STARD13: variants seen among roughly 807,000 people sequenced by gnomAD.
STARD13 encodes the protein stAR-related lipid transfer protein 13.
Under a neutral mutation model 106.4 loss-of-function variants are expected in STARD13, and 62 were observed. That is an observed-to-expected ratio of 0.58 (90% CI 0.48 to 0.72). STARD13 has a LOEUF of 0.72. Ranked by LOEUF, STARD13 falls within the 30% of genes least tolerant of loss-of-function variation. The pLI is 0.00. For synonymous variants in STARD13, 565 were observed against 553.0 expected (o/e 1.02, Z -0.31); for missense variants, 1,387 against 1,424.0 (o/e 0.97, Z 0.42).
chr13:33,130,317 T>C lies in STARD13; in HGVS notation c.388-28A>G. 6.3e-7 allele frequency: 1 copy of C among 1,586,480 alleles called. No homozygotes were observed. Among genetic ancestry groups the C allele is most frequent in the Non-Finnish European group, 8.5e-7 (1 of 1,171,710 alleles). On this transcript the variant is annotated intron_variant, in intron 4 of 13. Transcript: ENST00000336934. The surrounding 1 kb of genome is among the most constrained non-coding windows in gnomAD (Gnocchi z 4.1). ...GCAGAGCACCAAGGAAAATGCTCAT[T>C]AGCAGACAGCGTGGCTGAAGCAGGA... is the stretch of plus-strand genomic sequence containing the variant.
the STARD13 span, among the ~76,000 whole-genome samples, chr13:33,573,179 A>T: frequency 1.3e-5 from 2 of 152,168 alleles, no homozygotes; most frequent in African/African-American, 4.8e-5. Context: ...AGATGTCTAG[A>T]TAATGCATTT....
intron 5 of STARD13, 112 bp downstream of exon 5, chr13:33,128,817 G>A (rs1877652256): frequency 1.8e-6 from 2 of 1,092,584 alleles, no homozygotes; most frequent in African/African-American, 3.1e-5. Context: ...ACATCACTTA[G>A]AACAGAGTCA....
chr13:33,543,052 T>A, the STARD13 span, among the ~76,000 whole-genome samples: 2 of 152,194 alleles, frequency 1.3e-5, no homozygotes, highest in African/African-American at 2.4e-5. Context: ...GAGCGGAAAC[T>A]GTTCTTTCTC....
At chr13:33,192,162 A>T (rs893443944) in intron 1 of STARD13, among the ~76,000 whole-genome samples, 3 of 152,242 alleles carry the variant, frequency 2.0e-5, no homozygotes, top group Non-Finnish European at 4.4e-5. Flanking sequence ...TGAAAAAACA[A>T]AAGAACATTT....
At chr13:33,363,656 G>A in the STARD13 span, among the ~76,000 whole-genome samples, 2 of 152,230 alleles carry the variant, frequency 1.3e-5, no homozygotes, top group African/African-American at 4.8e-5. Flanking sequence ...CTTTGCACGT[G>A]TTCTTCTGCC....
At chr13:33,324,026 T>C (rs553929184) in intron 1 of STARD13, among the ~76,000 whole-genome samples, 2 of 152,310 alleles carry the variant, frequency 1.3e-5, no homozygotes, top group South Asian at 4.1e-4. Flanking sequence ...ACAGCTGAAA[T>C]AATTCTCTGC....
At chr13:33,322,160 C>T (rs1210884941) in intron 1 of STARD13, among the ~76,000 whole-genome samples, 2 of 152,204 alleles carry the variant, frequency 1.3e-5, no homozygotes, top group Non-Finnish European at 1.5e-5. Flanking sequence ...ATTTCATTTA[C>T]CAATGTTATA....
At chr13:33,611,622 A>G in the STARD13 span, 1 of 152,166 alleles carries the variant, frequency 6.6e-6, no homozygotes, top group Admixed American at 6.5e-5. Context: ...CTGGCACATA[A>G]ACTTGAATCA....
the STARD13 span, among the ~76,000 whole-genome samples, chr13:33,627,140 G>A: frequency 4.7e-4 from 72 of 152,256 alleles, no homozygotes; most frequent in African/African-American, 1.6e-3. Flanking sequence ...GACAGTGTTA[G>A]CTTGGCATTG....
At chr13:33,152,243 C>T (rs865883513) in intron 3 of STARD13, among the ~76,000 whole-genome samples, 1 of 152,060 alleles carries the variant, frequency 6.6e-6, no homozygotes, top group South Asian at 2.1e-4. Context: ...ATGTAGGAGT[C>T]GACAACAACT....
chr13:33,314,251 A>G (rs1893248213), intron 1 of STARD13, among the ~76,000 whole-genome samples: 1 of 152,294 alleles, frequency 6.6e-6, no homozygotes, highest in Middle Eastern at 3.4e-3. Flanking sequence ...ATAGGTACCC[A>G]AAGTCCAGCA....
chr13:33,642,854 A>G, the STARD13 span, among the ~76,000 whole-genome samples: 146 of 151,936 alleles, frequency 9.6e-4, 1 homozygote, highest in African/African-American at 3.3e-3. Flanking sequence ...AAAAAAAAAA[A>G]AAAACCTCCC....
the STARD13 span, among the ~76,000 whole-genome samples, chr13:33,556,400 G>A: frequency 6.6e-6 from 1 of 151,582 alleles, no homozygotes; most frequent in Non-Finnish European, 1.5e-5. Context: ...TCCACCCAAG[G>A]CTCCTGAGTG....
chr13:33,623,732 A>G, the STARD13 span, among the ~76,000 whole-genome samples: 148 of 152,292 alleles, frequency 9.7e-4, 2 homozygotes, highest in African/African-American at 3.4e-3. Flanking sequence ...ACATCTACGT[A>G]TTTAATTATC....
the STARD13 span, among the ~76,000 whole-genome samples, chr13:33,675,887 A>AGC: frequency 1.3e-5 from 2 of 152,212 alleles, no homozygotes; most frequent in Non-Finnish European, 2.9e-5. Flanking sequence ...GAGCTAGCTA[A>AGC]AAGCATCGAG....
the STARD13 span, among the ~76,000 whole-genome samples, chr13:33,526,230 C>T: frequency 8.5e-5 from 13 of 152,082 alleles, no homozygotes; most frequent in Admixed American, 2.0e-4. Flanking sequence ...CTGTGACATG[C>T]AATTCCTTTC....
intron 3 of STARD13, among the ~76,000 whole-genome samples, chr13:33,161,156 A>T (rs1882579169): frequency 6.6e-6 from 1 of 152,234 alleles, no homozygotes; most frequent in Non-Finnish European, 1.5e-5. Flanking sequence ...GAAAGAAGCC[A>T]TACTAAAAAG....
the STARD13 span, among the ~76,000 whole-genome samples, chr13:33,559,772 T>G: frequency 4.9e-4 from 74 of 151,312 alleles, no homozygotes; most frequent in Admixed American, 5.3e-4. Flanking sequence ...CAAGAGAATC[T>G]GTTGAACCCG....
At chr13:33,613,075 C>T in the STARD13 span, among the ~76,000 whole-genome samples, 2 of 152,210 alleles carry the variant, frequency 1.3e-5, no homozygotes, top group African/African-American at 4.8e-5. Flanking sequence ...TGCTCTGCTG[C>T]ATCCTGGCAT....
Sources: allele counts gnomAD v4.1 joint callset (sites outside exome capture counted in the v4.1 genomes callset), GRCh38; gene constraint gnomAD v4.1.1; non-coding constraint Gnocchi (gnomAD v3.1); transcripts MANE v1.5; gene names NCBI Gene and HGNC (gene_info 2026-07-23, HGNC 2026-07-21).